The following C8orf34 variants were observed in gnomAD, a reference collection of about 807,000 sequenced individuals.
C8orf34 encodes uncharacterized protein C8orf34.
In C8orf34, 65 loss-of-function variants were observed where a neutral mutation model predicts 68.3. That is an observed-to-expected ratio of 0.95 (90% CI 0.78 to 1.17). The LOEUF (loss-of-function observed/expected upper bound fraction) is 1.17. Ranked by LOEUF, C8orf34 falls within the 50% of genes most tolerant of loss-of-function variation. The pLI is 0.00. For synonymous variants in C8orf34, 244 were observed against 241.2 expected (o/e 1.01, Z -0.11); for missense variants, 664 against 655.4 (o/e 1.01, Z -0.14).
intron 3 of C8orf34, among the ~76,000 whole-genome samples, chr8:68,462,718 A>G (rs1586188804): frequency 6.6e-6 from 1 of 152,260 alleles, no homozygotes; most frequent in African/African-American, 2.4e-5. Context: ...ATGAAGGCAG[A>G]AATAAAGCTG....
chr8:68,782,424 T>A (rs1178340673), intron 11 of C8orf34, among the ~76,000 whole-genome samples: 1 of 126,518 alleles, frequency 7.9e-6, no homozygotes, highest in Non-Finnish European at 1.6e-5. Flanking sequence ...ATTCCAAGAT[T>A]GAGTGTCTTT....
intron 5 of C8orf34, among the ~76,000 whole-genome samples, chr8:68,507,065 A>G (rs1814055349): frequency 1.3e-5 from 2 of 152,118 alleles, no homozygotes; most frequent in Admixed American, 6.5e-5. Flanking sequence ...TGACATCTTC[A>G]CCTTTCTGAG....
At chr8:68,443,075 T>C (rs1810976944) in intron 2 of C8orf34, among the ~76,000 whole-genome samples, 1 of 152,172 alleles carries the variant, frequency 6.6e-6, no homozygotes, top group African/African-American at 2.4e-5. Context: ...CCACAGCCTG[T>C]GGTTGGTGGA....
chr8:68,783,917 G>T (rs74923553), intron 11 of C8orf34, among the ~76,000 whole-genome samples: 4,363 of 152,210 alleles, frequency 0.029, 197 homozygotes, highest in African/African-American at 0.093. Context: ...AACAGTTTTT[G>T]ATGTACAGAA....
chr8:68,430,195 A>T (rs1465566008), intron 1 of C8orf34, among the ~76,000 whole-genome samples: 4 of 152,134 alleles, frequency 2.6e-5, no homozygotes, highest in Non-Finnish European at 5.9e-5. Context: ...ATTAAAAAAA[A>T]CCTAAATGAT....
At chr8:68,655,903 T>C (rs1397256732) in intron 8 of C8orf34, among the ~76,000 whole-genome samples, 2 of 152,208 alleles carry the variant, frequency 1.3e-5, no homozygotes, top group Non-Finnish European at 2.9e-5. Context: ...TATCTAGCCT[T>C]AGGCCCCTAA....
chr8:68,691,830 A>G (rs1243526868), intron 8 of C8orf34, among the ~76,000 whole-genome samples: 1 of 152,062 alleles, frequency 6.6e-6, no homozygotes, highest in Non-Finnish European at 1.5e-5. Context: ...CTAAACCAAC[A>G]TCAATGTCAA....
intron 10 of C8orf34, among the ~76,000 whole-genome samples, chr8:68,754,802 T>A (rs1252961894): frequency 1.3e-5 from 2 of 152,216 alleles, no homozygotes; most frequent in East Asian, 1.9e-4. Context: ...ATATAAAATG[T>A]CTACCTGTAT....
intron 7 of C8orf34, among the ~76,000 whole-genome samples, chr8:68,560,572 A>G (rs1242730999): frequency 1.3e-5 from 2 of 152,210 alleles, no homozygotes; most frequent in Non-Finnish European, 2.9e-5. Context: ...GCCTACTACA[A>G]ACCTAGGTTA....
intron 1 of C8orf34, among the ~76,000 whole-genome samples, chr8:68,375,166 T>C (rs983407990): frequency 1.4e-4 from 22 of 152,214 alleles, no homozygotes; most frequent in African/African-American, 4.1e-4. Flanking sequence ...CTAATTTATG[T>C]GCAATAAAGT....
chr8:68,750,201 C>A (rs1433231403), intron 10 of C8orf34, among the ~76,000 whole-genome samples: 1 of 152,014 alleles, frequency 6.6e-6, no homozygotes, highest in Non-Finnish European at 1.5e-5. Context: ...TCATAATAAA[C>A]AAGAGCTGTA....
intron 3 of C8orf34, among the ~76,000 whole-genome samples, chr8:68,467,341 T>C (rs531240576): frequency 6.6e-6 from 1 of 152,260 alleles, no homozygotes; most frequent in Non-Finnish European, 1.5e-5. Context: ...CTTTGTTTAC[T>C]ATGTACCCAT....
intron 1 of C8orf34, 74 bp from the exon 2 acceptor site, chr8:68,439,425 C>A: frequency 2.1e-6 from 3 of 1,413,926 alleles, no homozygotes; most frequent in Non-Finnish European, 1.9e-6. Flanking sequence ...GACAATATTA[C>A]ATGCTAAGTA....
At chr8:68,551,231 T>C (rs1219064801) in intron 7 of C8orf34, among the ~76,000 whole-genome samples, 1 of 152,012 alleles carries the variant, frequency 6.6e-6, no homozygotes, top group Non-Finnish European at 1.5e-5. Context: ...CTTTTTTGTT[T>C]TGAAAGTTTT....
At chr8:68,653,353 A>T (rs552863048) in intron 8 of C8orf34, among the ~76,000 whole-genome samples, 4 of 152,342 alleles carry the variant, frequency 2.6e-5, no homozygotes, top group South Asian at 4.1e-4. Flanking sequence ...GTATAGCAAT[A>T]TAATTTCTAC....
intron 5 of C8orf34, among the ~76,000 whole-genome samples, chr8:68,516,012 A>G (rs1814497180): frequency 6.6e-6 from 1 of 152,258 alleles, no homozygotes; most frequent in Admixed American, 6.5e-5. Flanking sequence ...TATCTATTCC[A>G]AACATCTAAT....
intron 1 of C8orf34, among the ~76,000 whole-genome samples, chr8:68,343,913 G>C (rs1382959261): frequency 6.6e-6 from 1 of 152,008 alleles, no homozygotes; most frequent in Non-Finnish European, 1.5e-5. Flanking sequence ...TTTTTGTAGA[G>C]ATAGGGTTTC....
intron 4 of C8orf34, among the ~76,000 whole-genome samples, chr8:68,471,147 A>G (rs1812362639): frequency 6.6e-6 from 1 of 152,118 alleles, no homozygotes; most frequent in South Asian, 2.1e-4. Context: ...GTCAACTCCT[A>G]TAGATATAGT....
At chr8:68,768,382 G>T (rs1823241953) in intron 10 of C8orf34, among the ~76,000 whole-genome samples, 1 of 152,118 alleles carries the variant, frequency 6.6e-6, no homozygotes, top group Non-Finnish European at 1.5e-5. Context: ...GACAAGTCTG[G>T]TCCCCAGGGC....
Sources: allele counts gnomAD v4.1 joint callset (sites outside exome capture counted in the v4.1 genomes callset), GRCh38; gene constraint gnomAD v4.1.1; transcripts MANE v1.5; gene names NCBI Gene and HGNC (gene_info 2026-07-23, HGNC 2026-07-21).